ASCC3: variants seen among roughly 807,000 people sequenced by gnomAD.
ASCC3 encodes the protein ASC-1 complex subunit P200.
ASCC3 carries 158 observed loss-of-function variants against 256.3 expected under a neutral mutation model. The ratio of observed to expected loss-of-function variants is 0.62; its 90% confidence interval spans 0.54 to 0.70. The LOEUF is 0.70. Among genes scored for constraint, ASCC3 ranks in the 30% least tolerant of loss-of-function variants. The pLI, the probability that ASCC3 is intolerant of heterozygous loss-of-function variation, is 0.00. For missense variants in ASCC3, 2,259 were observed against 2,626.0 expected, an observed-to-expected ratio of 0.86 and a Z score of 3.05; for synonymous variants, 948 against 883.4, an observed-to-expected ratio of 1.07 and a Z score of -1.30.
intron 37 of ASCC3, among the ~76,000 whole-genome samples, chr6:100,529,162 ATG>A (rs1299834777): frequency 6.6e-6 from 1 of 151,590 alleles, no homozygotes; most frequent in African/African-American, 2.4e-5. Context: ...GTGTGTGTGT[ATG>A]TGTTTATTAT....
intron 10 of ASCC3, among the ~76,000 whole-genome samples, chr6:100,746,655 T>C (rs910402083): frequency 6.6e-6 from 1 of 151,572 alleles, no homozygotes; most frequent in Admixed American, 6.6e-5. Context: ...GGTAAAATTA[T>C]ATAGTAATAG....
chr6:100,545,802 A>C (rs1237522143), intron 36 of ASCC3, among the ~76,000 whole-genome samples: 1 of 152,120 alleles, frequency 6.6e-6, no homozygotes, highest in African/African-American at 2.4e-5. Flanking sequence ...GACTGATCTC[A>C]AACTCCTTGC....
intron 33 of ASCC3, among the ~76,000 whole-genome samples, chr6:100,602,191 G>A (rs187660603): frequency 2.5e-4 from 38 of 151,972 alleles, no homozygotes; most frequent in Non-Finnish European, 3.7e-4. Flanking sequence ...AGGTGAACCC[G>A]TATTATTCAC....
intron 10 of ASCC3, among the ~76,000 whole-genome samples, chr6:100,766,027 A>G (rs1781640589): frequency 6.6e-6 from 1 of 152,140 alleles, no homozygotes; most frequent in South Asian, 2.1e-4. Flanking sequence ...TTACTTAGTC[A>G]TAAGATTTTT....
intron 37 of ASCC3, among the ~76,000 whole-genome samples, chr6:100,520,275 T>C (rs915115989): frequency 6.6e-6 from 1 of 152,138 alleles, no homozygotes; most frequent in Admixed American, 6.6e-5. Context: ...AAAAAACTGA[T>C]GCTTCTCTGA....
chr6:100,800,245 T>C lies in ASCC3; in HGVS notation c.1127+55A>G, dbSNP rs577237930. On this transcript the variant is annotated intron_variant, in intron 6 of 41. Coordinates refer to ENST00000369162, the MANE Select transcript of ASCC3 (RefSeq NM_006828.4). ...AGACTAAACTAAAAAGTGATAATGA[T>C]ATGTAAAAGCAGCAATTACAACACA... The C allele has an allele frequency of 7.5e-5, 116 of 1,546,844 alleles. 1 individual carries two copies. In the South Asian group the frequency reaches 1.1e-3, roughly 15 times the overall value.
chr6:100,630,220 G>A (rs1774466696), intron 26 of ASCC3, among the ~76,000 whole-genome samples: 1 of 152,006 alleles, frequency 6.6e-6, no homozygotes, highest in East Asian at 1.9e-4. Flanking sequence ...TTAAGACTTG[G>A]AAAATAAGAA....
intron 4 of ASCC3, among the ~76,000 whole-genome samples, chr6:100,818,748 CAAAAAAAAAAAAA>C (rs56668191): frequency 5.2e-5 from 3 of 58,122 alleles, no homozygotes; most frequent in South Asian, 2.0e-3. Context: ...AGGCAAAAGC[CAAAAAAAAAAAAA>C]AAAAAAAAAA....
chr6:100,792,663 C>A (rs1333297086), intron 8 of ASCC3, among the ~76,000 whole-genome samples: 1 of 151,918 alleles, frequency 6.6e-6, no homozygotes, highest in East Asian at 1.9e-4. Flanking sequence ...CATTAAAGTA[C>A]CCTATAATAC....
At chr6:100,596,295 A>G (rs1772292288) in intron 34 of ASCC3, among the ~76,000 whole-genome samples, 1 of 152,154 alleles carries the variant, frequency 6.6e-6, no homozygotes, top group African/African-American at 2.4e-5. Flanking sequence ...GTAAGTAATG[A>G]TATTTTGTTA....
intron 14 of ASCC3, among the ~76,000 whole-genome samples, chr6:100,663,808 T>C (rs1302621345): frequency 6.6e-6 from 1 of 152,068 alleles, no homozygotes; most frequent in Non-Finnish European, 1.5e-5. Flanking sequence ...ATAGTTAAGA[T>C]GAAAAAGGCT....
chr6:100,579,186 GTTTTT>G (rs34493851), intron 36 of ASCC3, among the ~76,000 whole-genome samples: 1 of 132,374 alleles, frequency 7.6e-6, no homozygotes, highest in African/African-American at 2.8e-5. Flanking sequence ...GGGGTTGTTT[GTTTTT>G]TTTTTTTTGC....
chr6:100,644,218 A>G, intron 22 of ASCC3, 89 bp from the exon 23 acceptor site: 1 of 861,610 alleles, frequency 1.2e-6, no homozygotes, highest in Non-Finnish European at 2.0e-6. Context: ...AGCTTTATTG[A>G]TATATCATTT....
Position 100,577,461 on chromosome 6 carries a change from C to T in ASCC3, c.5550+12173G>A, listed in dbSNP as rs953688956. The stretch of plus-strand genomic sequence containing the variant: ...ACATTCGAGTAACTCACTTTGGACA[C>T]ATTCAGACTTTCTCTCTGATGTCCT... On this transcript the variant is annotated intron_variant, in intron 36 of 41. Transcript: ENST00000369162. 3.3e-5 allele frequency among the ~76,000 whole-genome samples: 5 copies of T among 152,056 alleles called. 1 individual carries two copies. Among genetic ancestry groups the T allele is most frequent in the Non-Finnish European group, 7.4e-5 (5 of 67,970 alleles).
intron 10 of ASCC3, among the ~76,000 whole-genome samples, chr6:100,750,617 C>T (rs763953785): frequency 6.6e-6 from 1 of 152,032 alleles, no homozygotes; most frequent in Admixed American, 6.6e-5. Flanking sequence ...TTCTCACTAA[C>T]CAGATCTACA....
At chr6:100,827,169 G>A (rs1771356105) in intron 4 of ASCC3, among the ~76,000 whole-genome samples, 1 of 152,136 alleles carries the variant, frequency 6.6e-6, no homozygotes, top group African/African-American at 2.4e-5. Context: ...TTAGTTTTCA[G>A]AAGTCCACAG....
At chr6:100,802,352 C>T (rs1467175478) in intron 5 of ASCC3, among the ~76,000 whole-genome samples, 1 of 151,834 alleles carries the variant, frequency 6.6e-6, no homozygotes, top group Non-Finnish European at 1.5e-5. Context: ...CCCTTGCTCT[C>T]ATGCTCCTGC....
chr6:100,527,182 A>G (rs570942533), intron 37 of ASCC3, among the ~76,000 whole-genome samples: 1 of 152,324 alleles, frequency 6.6e-6, no homozygotes, highest in Admixed American at 6.5e-5. Flanking sequence ...GTATGCTTAT[A>G]GTATTAATGC....
intron 37 of ASCC3, among the ~76,000 whole-genome samples, chr6:100,534,819 T>C (rs1775084282): frequency 6.6e-6 from 1 of 152,222 alleles, no homozygotes; most frequent in Non-Finnish European, 1.5e-5. Flanking sequence ...GGAGGAATAA[T>C]TCTACTACAA....
Sources: gnomAD v4.1 joint callset for allele counts (sites outside exome capture counted in the v4.1 genomes callset) on GRCh38, gnomAD v4.1.1 for gene constraint, MANE v1.5 for transcripts, NCBI Gene and HGNC (gene_info 2026-07-23, HGNC 2026-07-21) for gene names.